DDX10: variants seen among roughly 807,000 people sequenced by gnomAD.
DDX10 encodes DEAD-box helicase 10, also known as probable ATP-dependent RNA helicase DDX10.
A neutral mutation model predicts 104.3 loss-of-function variants in DDX10; 74 were observed. That is an observed-to-expected ratio of 0.71 (90% confidence interval 0.59 to 0.86). The LOEUF (loss-of-function observed/expected upper bound fraction) is 0.86. Among genes scored for constraint, DDX10 ranks in the 40% least tolerant of loss-of-function variants. DDX10 has a pLI of 0.00. For synonymous variants in DDX10, 351 were observed against 353.4 expected (o/e 0.99, Z 0.08); for missense variants, 952 against 1,040.0 (o/e 0.92, Z 1.16).
At chr11:108,845,209 A>AAAACAAACAAACAAAC (rs36193704) in intron 15 of DDX10, among the ~76,000 whole-genome samples, 2 of 151,894 alleles carry the variant, frequency 1.3e-5, no homozygotes, top group African/African-American at 4.8e-5. Context: ...CTCTGTCTCA[A>AAAACAAACAAACAAAC]AAACAAACAA....
chr11:108,791,224 C>T (rs1327731874), intron 13 of DDX10, among the ~76,000 whole-genome samples: 4 of 152,226 alleles, frequency 2.6e-5, no homozygotes, highest in African/African-American at 9.6e-5. Flanking sequence ...TAGCCTGTAG[C>T]CTTTGCTAAG....
chr11:108,706,340 A>G (rs570137345), intron 9 of DDX10, among the ~76,000 whole-genome samples: 4 of 150,872 alleles, frequency 2.7e-5, no homozygotes, highest in Admixed American at 6.6e-5. Context: ...TAAAATCCCC[A>G]GGAAGAGGAA....
chr11:108,758,546 A>G (rs2094347132), intron 13 of DDX10, among the ~76,000 whole-genome samples: 2 of 152,072 alleles, frequency 1.3e-5, no homozygotes, highest in African/African-American at 4.8e-5. Context: ...ATCTCACTGG[A>G]GTAAAAGCAA....
At chr11:108,772,410 AGAG>A (rs1415109901) in intron 13 of DDX10, among the ~76,000 whole-genome samples, 4 of 152,192 alleles carry the variant, frequency 2.6e-5, no homozygotes, top group African/African-American at 9.6e-5. Context: ...ACGCAGAAGA[AGAG>A]GAGGAGGCAG....
chr11:108,685,340 C>G (rs1011287564), intron 6 of DDX10, among the ~76,000 whole-genome samples: 1 of 151,298 alleles, frequency 6.6e-6, no homozygotes, highest in African/African-American at 2.4e-5. Context: ...AAGGGAACTC[C>G]CTGACCCCTT....
At chr11:108,922,410 G>T (rs948462352) in intron 17 of DDX10, among the ~76,000 whole-genome samples, 1 of 152,130 alleles carries the variant, frequency 6.6e-6, no homozygotes, top group African/African-American at 2.4e-5. Context: ...TTTCCTCTGG[G>T]TGTTTCTTTT....
intron 13 of DDX10, among the ~76,000 whole-genome samples, chr11:108,736,625 G>A (rs938097021): frequency 3.3e-5 from 5 of 152,120 alleles, no homozygotes; most frequent in African/African-American, 1.2e-4. Context: ...ATGGGATCAA[G>A]ACCCTTATAA....
chr11:108,763,545 C>T (rs1421111471), intron 13 of DDX10, among the ~76,000 whole-genome samples: 1 of 152,136 alleles, frequency 6.6e-6, no homozygotes, highest in Non-Finnish European at 1.5e-5. Context: ...TCAGTTAGCA[C>T]CATGCTTTTT....
At chr11:108,735,197 G>A (rs1435480398) in intron 13 of DDX10, among the ~76,000 whole-genome samples, 4 of 152,286 alleles carry the variant, frequency 2.6e-5, no homozygotes, top group South Asian at 2.1e-4. Context: ...GCTTTGATGC[G>A]AAGCTTTGTT....
chr11:108,821,456 GTGA>G (rs1213837973), intron 13 of DDX10, among the ~76,000 whole-genome samples: 1 of 152,144 alleles, frequency 6.6e-6, no homozygotes, highest in Non-Finnish European at 1.5e-5. Flanking sequence ...GCATTTTAGT[GTGA>G]TGATTTACTA....
At chr11:108,667,267 G>T (rs907212602) in intron 1 of DDX10, among the ~76,000 whole-genome samples, 2 of 152,206 alleles carry the variant, frequency 1.3e-5, no homozygotes, top group African/African-American at 4.8e-5. Context: ...ACTTTAATTA[G>T]TGAAACAGGT....
intron 13 of DDX10, among the ~76,000 whole-genome samples, chr11:108,815,469 A>G: frequency 6.6e-6 from 1 of 152,178 alleles, no homozygotes; most frequent in Non-Finnish European, 1.5e-5. Flanking sequence ...CACAGGTTTT[A>G]TATCCTGCAG....
At chr11:108,812,861 A>C (rs1489666091) in intron 13 of DDX10, among the ~76,000 whole-genome samples, 2 of 151,398 alleles carry the variant, frequency 1.3e-5, no homozygotes, top group African/African-American at 4.8e-5. Context: ...ACATGTCTGT[A>C]ATCCCAGCTA....
At chr11:108,688,582 A>G (rs530252306) in intron 6 of DDX10, among the ~76,000 whole-genome samples, 1 of 152,308 alleles carries the variant, frequency 6.6e-6, no homozygotes, top group African/African-American at 2.4e-5. Context: ...AATTTGATGA[A>G]TGTGTATATC....
chr11:108,690,112 C>G (rs1003913823), intron 7 of DDX10, among the ~76,000 whole-genome samples: 1 of 152,110 alleles, frequency 6.6e-6, no homozygotes, highest in Non-Finnish European at 1.5e-5. Flanking sequence ...AGCTTCCAGT[C>G]TCCTGGGAGC....
intron 17 of DDX10, among the ~76,000 whole-genome samples, chr11:108,929,151 G>A (rs1164562142): frequency 1.3e-5 from 2 of 152,220 alleles, no homozygotes; most frequent in East Asian, 1.9e-4. Flanking sequence ...CTGGCAGAGA[G>A]CAATAAAGAA....
At chr11:108,792,334 C>T (rs1238476575) in intron 13 of DDX10, among the ~76,000 whole-genome samples, 1 of 152,130 alleles carries the variant, frequency 6.6e-6, no homozygotes, top group Non-Finnish European at 1.5e-5. Context: ...AAAAACTTTA[C>T]CTTAACAAGG....
intron 13 of DDX10, among the ~76,000 whole-genome samples, chr11:108,815,321 G>A (rs1170079240): frequency 1.3e-5 from 2 of 151,494 alleles, no homozygotes; most frequent in African/African-American, 4.9e-5. Context: ...ATCAATACTA[G>A]GGAAAGCTGT....
chr11:108,757,068 G>C (rs2094345272), intron 13 of DDX10, among the ~76,000 whole-genome samples: 1 of 151,952 alleles, frequency 6.6e-6, no homozygotes, highest in African/African-American at 2.4e-5. Context: ...ACTTTAATAG[G>C]TTCTCCCTGT....
Sources: allele counts gnomAD v4.1 joint callset (sites outside exome capture counted in the v4.1 genomes callset), GRCh38; gene constraint gnomAD v4.1.1; transcripts MANE v1.5; gene names NCBI Gene and HGNC (gene_info 2026-07-23, HGNC 2026-07-21).